Variants in DEFB112 observed in about 807,000 individuals in gnomAD.
DEFB112 encodes defensin beta 112, also known as beta-defensin 112.
A neutral mutation model predicts 1.1 loss-of-function variants in DEFB112; 2 were observed. That is an observed-to-expected ratio of 1.85 (90% CI 0.76 to 5.83). The LOEUF (loss-of-function observed/expected upper bound fraction) is 5.83. Among genes scored for constraint, DEFB112 ranks in the 30% most tolerant of loss-of-function variants. The pLI, the probability that DEFB112 is intolerant of heterozygous loss-of-function variation, is 0.05. For missense variants in DEFB112, 120 were observed against 94.4 expected, an observed-to-expected ratio of 1.27 and a Z score of -1.12; for synonymous variants, 40 against 31.2, an observed-to-expected ratio of 1.28 and a Z score of -0.93.
rs1774757594 is a variant in DEFB112 at position 50,042,333 on chromosome 6, T to C, written c.*1242A>G. On this transcript the variant is annotated 3_prime_UTR_variant, in exon 2 of 2. Coordinates refer to ENST00000651554, the MANE Select transcript of DEFB112 (RefSeq NM_001369057.2). ...TTGGACACCCAGATGCTTTTCCCTATGTGCCCAGGTACTGTGTACAGGATA... is the reference window on the plus strand; with the variant it reads ...TTGGACACCCAGATGCTTTTCCCTACGTGCCCAGGTACTGTGTACAGGATA... Among the ~76,000 whole-genome samples, 2 of 152,050 alleles carry C rather than the reference T, an allele frequency of 1.3e-5. No individual in the cohort carries two copies. Among genetic ancestry groups the C allele is most frequent in the Admixed American group, 1.3e-4 (2 of 15,232 alleles).
chr6:50,048,537 C>A lies in DEFB112; in HGVS notation c.58+1275G>T, dbSNP rs1853647. The A allele has an allele frequency of 9.3e-6, 15 of 1,610,014 alleles. 1 individual carries two copies. The Admixed American group carries it at 1.7e-4, about 18-fold the overall frequency. On this transcript the variant is annotated intron_variant, in intron 1 of 1. Coordinates refer to ENST00000651554, the MANE Select transcript of DEFB112 (RefSeq NM_001369057.2). ...CACAATTCTACTTATTTTGTTTTAC[C>A]TGTGCTGATTTTCTCTGTCCCATGT...
At chr6:50,044,041 C>A (rs985350577) in intron 1 of DEFB112, among the ~76,000 whole-genome samples, 1 of 152,088 alleles carries the variant, frequency 6.6e-6, no homozygotes, top group African/African-American at 2.4e-5. Flanking sequence ...TAAGGGATTT[C>A]TGAAGGGCTT....
At chr6:50,044,474 A>T (rs1486222940) in intron 1 of DEFB112, among the ~76,000 whole-genome samples, 3 of 152,052 alleles carry the variant, frequency 2.0e-5, no homozygotes, top group Non-Finnish European at 2.9e-5. Context: ...AAATTTTTAA[A>T]AATGTCTCTA....
chr6:50,045,595 G>A (rs964890137), intron 1 of DEFB112, among the ~76,000 whole-genome samples: 1 of 151,994 alleles, frequency 6.6e-6, no homozygotes, highest in Non-Finnish European at 1.5e-5. Context: ...ATACAATCAG[G>A]TGTCACTTAG....
At chr6:50,048,683 G>T (rs753733566) in intron 1 of DEFB112, 2 of 1,487,150 alleles carry the variant, frequency 1.3e-6, no homozygotes, top group Non-Finnish European at 1.9e-6. Flanking sequence ...AGAGCTCACT[G>T]TAAAGTGAAA....
At chr6:50,048,791 C>T (rs1774881519) in intron 1 of DEFB112, 1 of 589,164 alleles carries the variant, frequency 1.7e-6, no homozygotes, top group African/African-American at 1.9e-5. Context: ...AAAGGTTTTA[C>T]AAAATGATAA....
At chr6:50,048,147 CA>C (rs1309539790) in intron 1 of DEFB112, among the ~76,000 whole-genome samples, 212 of 127,278 alleles carry the variant, frequency 1.7e-3, no homozygotes, top group Admixed American at 1.7e-3. Flanking sequence ...AACTCCGTCT[CA>C]AAAAAAAAAA....
At chr6:50,044,747 A>G (rs1582381519) in intron 1 of DEFB112, among the ~76,000 whole-genome samples, 1 of 152,028 alleles carries the variant, frequency 6.6e-6, no homozygotes, top group African/African-American at 2.4e-5. Flanking sequence ...GTACATATCT[A>G]CCATTACTCG....
intron 1 of DEFB112, chr6:50,048,423 A>G: frequency 1.2e-6 from 1 of 839,780 alleles, no homozygotes; most frequent in East Asian, 2.6e-5. Context: ...AAAGACAAGA[A>G]CATATAAGTA....
At chr6:50,048,723 T>A in intron 1 of DEFB112, 1 of 1,082,500 alleles carries the variant, frequency 9.2e-7, no homozygotes. Context: ...AGGAAAAATA[T>A]TTTCAGAAAT....
chr6:50,045,617 T>A (rs1774818971), intron 1 of DEFB112, among the ~76,000 whole-genome samples: 1 of 152,132 alleles, frequency 6.6e-6, no homozygotes, highest in African/African-American at 2.4e-5. Flanking sequence ...GACAGGGATA[T>A]GTTTTGAGAA....
At chr6:50,044,329 T>G (rs1395742403) in intron 1 of DEFB112, among the ~76,000 whole-genome samples, 1 of 152,130 alleles carries the variant, frequency 6.6e-6, no homozygotes, top group Non-Finnish European at 1.5e-5. Flanking sequence ...AAATAGACAC[T>G]TTGGGGTGAT....
At position 50,049,211 on chromosome 6, in the gene DEFB112, A is replaced by C. The variant is rs548075632; in HGVS notation, c.58+601T>G. Among the ~76,000 whole-genome samples the C allele has an allele frequency of 2.0e-5, 3 of 152,172 alleles. No homozygotes were observed. The South Asian group carries it at 6.2e-4, about 31-fold the overall frequency. On this transcript the variant is annotated intron_variant, in intron 1 of 1. Transcript: ENST00000651554. ...CAGAATAACAGTAAAATAATGAGTTACTACAGATTTATTTTAAGGTTACCT... is the reference window on the plus strand; with the variant it reads ...CAGAATAACAGTAAAATAATGAGTTCCTACAGATTTATTTTAAGGTTACCT...
chr6:50,043,469 T>C lies in DEFB112; in HGVS notation c.*106A>G, dbSNP rs531803061. The C allele has an allele frequency of 5.9e-6, 4 of 680,242 alleles. No individual in the cohort carries two copies. In the East Asian group the frequency reaches 1.1e-4, roughly 19 times the overall value. The allele number at this position is 680,242 out of a possible 1,614,324, so 42.1% of individuals were successfully genotyped here. A position where few individuals can be genotyped will look rare whatever the true frequency, so the allele number is the denominator to read the frequency against. On this transcript the variant is annotated 3_prime_UTR_variant, in exon 2 of 2. Transcript: ENST00000651554. The stretch of plus-strand genomic sequence containing the variant: ...CTGAAATATATTTTATTTAATTATT[T>C]ATTCATTATAGGTATGCATGCATGG...
chr6:50,045,295 A>G (rs969638919), intron 1 of DEFB112, among the ~76,000 whole-genome samples: 9 of 152,008 alleles, frequency 5.9e-5, no homozygotes, highest in African/African-American at 2.2e-4. Flanking sequence ...CTAATGTAGC[A>G]CTGTAAATGA....
At chr6:50,049,018 G>C (rs759743767) in intron 1 of DEFB112, among the ~76,000 whole-genome samples, 1 of 151,996 alleles carries the variant, frequency 6.6e-6, no homozygotes, top group Non-Finnish European at 1.5e-5. Context: ...TAAATATAGA[G>C]AGAATTCTAA....
At chr6:50,044,010 A>G (rs562464855) in intron 1 of DEFB112, among the ~76,000 whole-genome samples, 1 of 152,208 alleles carries the variant, frequency 6.6e-6, no homozygotes, top group East Asian at 1.9e-4. Flanking sequence ...ATGCAGTTTA[A>G]ATAATTCTGT....
chr6:50,044,172 C>G (rs556186425), intron 1 of DEFB112, among the ~76,000 whole-genome samples: 1 of 152,024 alleles, frequency 6.6e-6, no homozygotes, highest in East Asian at 1.9e-4. Flanking sequence ...GGTAAATGTT[C>G]TCTTCCTTTT....
At position 50,043,049 on chromosome 6, in the gene DEFB112, A is replaced by T. The variant is rs1241686229; in HGVS notation, c.*526T>A. On this transcript the variant is annotated 3_prime_UTR_variant, in exon 2 of 2. Transcript: ENST00000651554. ...TCCCTCTATTCTACCTTTTGAGATT[A>T]TTCTTGGAAAAAAAATCAGTTATTT... 2.6e-5 allele frequency among the ~76,000 whole-genome samples: 4 copies of T among 151,968 alleles called. No homozygotes were observed. The highest frequency in any genetic ancestry group is 4.4e-5 in the Non-Finnish European group (3 of 67,946).
Sources: gnomAD v4.1 joint callset for allele counts (sites outside exome capture counted in the v4.1 genomes callset) on GRCh38, gnomAD v4.1.1 for gene constraint, MANE v1.5 for transcripts, NCBI Gene and HGNC (gene_info 2026-07-23, HGNC 2026-07-21) for gene names.